Variants in VAC14 observed in about 807,000 individuals in gnomAD.
The protein encoded by VAC14 is VAC14 component of PIKFYVE complex.
A neutral mutation model predicts 85.3 loss-of-function variants in VAC14; 47 were observed. The ratio of observed to expected loss-of-function variants is 0.55; its 90% CI spans 0.44 to 0.70. VAC14 has a LOEUF of 0.70. Ranked by LOEUF, VAC14 falls within the 30% of genes least tolerant of loss-of-function variation. The pLI, the probability that VAC14 is intolerant of heterozygous loss-of-function variation, is 0.00. For synonymous variants in VAC14, 447 were observed against 430.5 expected (o/e 1.04, Z -0.47); for missense variants, 861 against 1,004.3 (o/e 0.86, Z 1.93).
At chr16:70,786,192 T>A in intron 2 of VAC14, 23 bp downstream of exon 2, 1 of 1,611,832 alleles carries the variant, frequency 6.2e-7, no homozygotes. Flanking sequence ...CTGGTATGTC[T>A]GTCCCTTGGG....
At chr16:70,720,942 G>A (rs2054275400) in intron 14 of VAC14, among the ~76,000 whole-genome samples, 1 of 152,202 alleles carries the variant, frequency 6.6e-6, no homozygotes. Flanking sequence ...TGGAGGACCA[G>A]AAAAAATGAG....
chr16:70,764,441 G>A (rs1020138226), intron 10 of VAC14, among the ~76,000 whole-genome samples: 1 of 152,170 alleles, frequency 6.6e-6, no homozygotes, highest in African/African-American at 2.4e-5. Flanking sequence ...TGAGACAGAC[G>A]GGGACAGTAC....
chr16:70,690,742 T>C, intron 18 of VAC14: 1 of 985,446 alleles, frequency 1.0e-6, no homozygotes, highest in South Asian at 4.7e-5. Context: ...TCCCAGGGTG[T>C]GAGCCGTCCT....
At chr16:70,758,933 A>G (rs2032090812) in intron 12 of VAC14, among the ~76,000 whole-genome samples, 1 of 152,234 alleles carries the variant, frequency 6.6e-6, no homozygotes, top group Non-Finnish European at 1.5e-5. Flanking sequence ...GGAAACAGCC[A>G]CTTATCTTGA....
intron 9 of VAC14, among the ~76,000 whole-genome samples, chr16:70,774,156 G>A (rs1397536895): frequency 6.6e-6 from 1 of 152,102 alleles, no homozygotes; most frequent in Non-Finnish European, 1.5e-5. Context: ...TGAACATCAC[G>A]AGTTTTTCCA....
chr16:70,786,207 A>G lies in VAC14; in HGVS notation c.255+8T>C. The G allele has an allele frequency of 6.2e-7, 1 of 1,613,362 alleles. No individual in the cohort carries two copies. The highest frequency in any genetic ancestry group is 1.1e-5 in the South Asian group (1 of 90,954). On this transcript the variant is annotated splice_region_variant and intron_variant, in intron 2 of 18. Transcript: ENST00000261776. ...CTGGTATGTCTGTCCCTTGGGTGAAAGGCCCACCTTGCCCAGTGCGATGGA... is the reference window on the plus strand; with the variant it reads ...CTGGTATGTCTGTCCCTTGGGTGAAGGGCCCACCTTGCCCAGTGCGATGGA...
intron 12 of VAC14, among the ~76,000 whole-genome samples, chr16:70,751,027 G>A (rs1159213969): frequency 1.3e-5 from 2 of 152,182 alleles, no homozygotes; most frequent in Non-Finnish European, 1.5e-5. Context: ...AATACTTGCT[G>A]ACCTGCAGCG....
At chr16:70,777,369 C>T (rs1378263263) in intron 9 of VAC14, among the ~76,000 whole-genome samples, 2 of 152,162 alleles carry the variant, frequency 1.3e-5, no homozygotes, top group Non-Finnish European at 2.9e-5. Flanking sequence ...CTATTGTTAC[C>T]CTACTTAACA....
intron 10 of VAC14, among the ~76,000 whole-genome samples, 199 bp from the exon 11 acceptor site, chr16:70,763,224 G>A (rs2032550387): frequency 6.6e-6 from 1 of 152,228 alleles, no homozygotes; most frequent in Non-Finnish European, 1.5e-5. Flanking sequence ...CAGCCCAGGG[G>A]TTTGAAGGGG....
rs80271899 is a variant in VAC14, at chr16:70,712,500, G to A, written c.1662-13689C>T. 3.9e-3 allele frequency among the ~76,000 whole-genome samples: 594 copies of A among 152,294 alleles called. 2 individuals are homozygous for A. The highest frequency in any genetic ancestry group is 0.014 in the African/African-American group (562 of 41,560). Reference sequence around the variant, plus strand: ...GAGCCATTGGGCTCAGGCTGGGAGCGTAGAGGCAGTGTCTAGCCGGGCTCA... The same window carrying A: ...GAGCCATTGGGCTCAGGCTGGGAGCATAGAGGCAGTGTCTAGCCGGGCTCA... On this transcript the variant is annotated intron_variant, in intron 14 of 18. Coordinates refer to ENST00000261776, the MANE Select transcript of VAC14 (RefSeq NM_018052.5).
chr16:70,727,809 G>C (rs906913603), intron 14 of VAC14, among the ~76,000 whole-genome samples: 5 of 152,254 alleles, frequency 3.3e-5, no homozygotes, highest in African/African-American at 1.2e-4. Context: ...CCTTTTCCAT[G>C]TCAGATGCTG....
At chr16:70,722,325 C>A (rs984088965) in intron 14 of VAC14, among the ~76,000 whole-genome samples, 3 of 152,174 alleles carry the variant, frequency 2.0e-5, no homozygotes, top group African/African-American at 7.2e-5. Context: ...TGCCATGGGT[C>A]CCCCAGGCCA....
At chr16:70,719,845 C>A (rs1243337561) in intron 14 of VAC14, among the ~76,000 whole-genome samples, 2 of 152,124 alleles carry the variant, frequency 1.3e-5, no homozygotes, top group African/African-American at 4.8e-5. Flanking sequence ...GCCAATCCAG[C>A]AATTCCTAGG....
Position 70,762,239 on chromosome 16 carries a change from C to A in VAC14, c.1371+301G>T, listed in dbSNP as rs1038494519. Among the ~76,000 whole-genome samples the A allele has an allele frequency of 6.6e-6, 1 of 152,114 alleles. No individual in the cohort carries two copies. The highest frequency in any genetic ancestry group is 1.5e-5 in the Non-Finnish European group (1 of 68,020). Reference sequence around the variant, plus strand: ...TCTCCCACCTCAACCTCCTGAGCAGCTGGGAGTACAGGCGTGCACCACCAC... The same window carrying A: ...TCTCCCACCTCAACCTCCTGAGCAGATGGGAGTACAGGCGTGCACCACCAC... On this transcript the variant is annotated intron_variant, in intron 12 of 18. Transcript: ENST00000261776. This position sits in a 1 kb window ranked among gnomAD's most constrained non-coding sequence, Gnocchi z 4.1.
intron 10 of VAC14, among the ~76,000 whole-genome samples, chr16:70,765,092 C>T (rs908880682): frequency 4.6e-5 from 7 of 152,180 alleles, no homozygotes; most frequent in African/African-American, 1.4e-4. Context: ...GAAGCCACCC[C>T]CACCCCAACC....
chr16:70,719,718 A>T (rs1313153047), intron 14 of VAC14, among the ~76,000 whole-genome samples: 1 of 152,244 alleles, frequency 6.6e-6, no homozygotes, highest in African/African-American at 2.4e-5. Context: ...AAGACTGATG[A>T]TACCAAGTGT....
At chr16:70,703,827 G>A (rs986553406) in intron 14 of VAC14, among the ~76,000 whole-genome samples, 3 of 152,140 alleles carry the variant, frequency 2.0e-5, no homozygotes, top group Non-Finnish European at 4.4e-5. Flanking sequence ...TTAGCCTTAA[G>A]AACTGAGACT....
intron 13 of VAC14, among the ~76,000 whole-genome samples, chr16:70,738,592 AG>A (rs946601758): frequency 6.6e-6 from 1 of 152,084 alleles, no homozygotes; most frequent in East Asian, 1.9e-4. Flanking sequence ...CTGGTGGAGC[AG>A]GGGGGCTGGA....
chr16:70,766,476 G>C (rs746927333), intron 10 of VAC14: 5 of 456,632 alleles, frequency 1.1e-5, no homozygotes, highest in Non-Finnish European at 2.2e-5. Context: ...TGAAGGTATA[G>C]GGCATCTTCA....
Sources: allele counts gnomAD v4.1 joint callset (sites outside exome capture counted in the v4.1 genomes callset), GRCh38; gene constraint gnomAD v4.1.1; non-coding constraint Gnocchi (gnomAD v3.1); transcripts MANE v1.5; gene names NCBI Gene and HGNC (gene_info 2026-07-23, HGNC 2026-07-21).